Variants in FGF14 observed in about 807,000 individuals in gnomAD.
FGF14 encodes fibroblast growth factor homologous factor 4.
In FGF14, 5 loss-of-function variants were observed where a neutral mutation model predicts 25.5. That is an observed-to-expected ratio of 0.20 (90% CI 0.10 to 0.41). FGF14 has a LOEUF of 0.41. FGF14 is among the 10% of genes least tolerant of loss of function. The pLI is 1.00. For synonymous variants in FGF14, 138 were observed against 118.3 expected, an observed-to-expected ratio of 1.17 and a Z score of -1.08; for missense variants, 222 against 320.1, an observed-to-expected ratio of 0.69 and a Z score of 2.34.
chr13:101,794,307 T>C lies in FGF14; in HGVS notation c.409-67497A>G, dbSNP rs114070545. 6.8e-3 allele frequency among the ~76,000 whole-genome samples: 1,036 copies of C among 152,160 alleles called. 12 individuals are homozygous for C. The highest frequency in any genetic ancestry group is 0.023 in the African/African-American group (951 of 41,534). ...GCAGTCAGCTCTCTTTCTCTACGGT[T>C]ATTAAATCTACCAAAGGAAAACATC... On this transcript the variant is annotated intron_variant, in intron 3 of 4. Coordinates refer to ENST00000376143, the MANE Select transcript of FGF14 (RefSeq NM_004115.4).
chr13:101,756,377 G>A (rs949268354), intron 3 of FGF14, among the ~76,000 whole-genome samples: 1 of 152,116 alleles, frequency 6.6e-6, no homozygotes, highest in Non-Finnish European at 1.5e-5. Context: ...GTCTTGTTTT[G>A]CATGAGTTTA....
At position 101,816,517 on chromosome 13, in the gene FGF14, A is replaced by G. The variant is rs1323316869; in HGVS notation, c.408+52208T>C. ...TCACTGTTTTGATCTGTGATTTAATAAAACAAAATTATATGAAAAGCCCTA... is the reference window on the plus strand; with the variant it reads ...TCACTGTTTTGATCTGTGATTTAATGAAACAAAATTATATGAAAAGCCCTA... On this transcript the variant is annotated intron_variant, in intron 3 of 4. Transcript: ENST00000376143. 2.6e-5 allele frequency among the ~76,000 whole-genome samples: 4 copies of G among 152,308 alleles called. No homozygotes were observed. In the East Asian group the frequency reaches 7.7e-4, roughly 29 times the overall value.
intron 1 of FGF14, among the ~76,000 whole-genome samples, chr13:102,323,793 T>C (rs1168375183): frequency 6.6e-6 from 1 of 152,166 alleles, no homozygotes; most frequent in Non-Finnish European, 1.5e-5. Flanking sequence ...CATAGGAGAT[T>C]TGAATTCAGG....
intron 1 of FGF14, among the ~76,000 whole-genome samples, chr13:102,244,343 G>A (rs2051750858): frequency 2.0e-5 from 3 of 151,838 alleles, no homozygotes; most frequent in Admixed American, 2.0e-4. Context: ...AAATAGGGAT[G>A]CCATGGTTTT....
chr13:102,311,885 A>T (rs1358398635), intron 1 of FGF14, among the ~76,000 whole-genome samples: 1 of 152,212 alleles, frequency 6.6e-6, no homozygotes, highest in African/African-American at 2.4e-5. Context: ...TCTTTCAAAT[A>T]TTGAGGTAAG....
chr13:102,230,180 C>T (rs1249759720), intron 1 of FGF14, among the ~76,000 whole-genome samples: 2 of 152,158 alleles, frequency 1.3e-5, no homozygotes, highest in Non-Finnish European at 2.9e-5. Flanking sequence ...AGCTAGAAGT[C>T]ACTGTCTATG....
At chr13:101,927,017 T>A (rs1694905009) in intron 1 of FGF14, among the ~76,000 whole-genome samples, 1 of 152,182 alleles carries the variant, frequency 6.6e-6, no homozygotes, top group Non-Finnish European at 1.5e-5. Context: ...TGGATATTTT[T>A]AAATAAACAA....
chr13:102,331,878 G>A (rs114126528), intron 1 of FGF14, among the ~76,000 whole-genome samples: 4,264 of 152,218 alleles, frequency 0.028, 211 homozygotes, highest in African/African-American at 0.096. Context: ...CCCCATGGAA[G>A]GGAAAAACTT....
chr13:102,361,534 G>A (rs900800222), intron 1 of FGF14, among the ~76,000 whole-genome samples: 6 of 135,458 alleles, frequency 4.4e-5, no homozygotes, highest in African/African-American at 1.2e-4. Context: ...AGTACTATAG[G>A]AATTTGTAAC....
chr13:102,399,515 G>A (rs1159639668), intron 1 of FGF14, among the ~76,000 whole-genome samples: 4 of 152,142 alleles, frequency 2.6e-5, no homozygotes, highest in Non-Finnish European at 5.9e-5. Context: ...TGCAAAAAGG[G>A]TCTTCATATT....
At chr13:101,880,519 C>T (rs1045595465) in intron 1 of FGF14, among the ~76,000 whole-genome samples, 5 of 152,020 alleles carry the variant, frequency 3.3e-5, no homozygotes, top group South Asian at 2.1e-4. Context: ...GTGAGCTGAG[C>T]GCACCATTGC....
intron 1 of FGF14, among the ~76,000 whole-genome samples, chr13:102,347,775 A>G (rs1286689343): frequency 6.6e-6 from 1 of 152,132 alleles, no homozygotes; most frequent in Admixed American, 6.5e-5. Context: ...CTAGAGAGGA[A>G]ACAGTCTACT....
chr13:102,095,400 G>A (rs948248212), intron 1 of FGF14, among the ~76,000 whole-genome samples: 14 of 152,100 alleles, frequency 9.2e-5, no homozygotes, highest in East Asian at 1.9e-4. Flanking sequence ...CTTCTTTTAC[G>A]ACATAGGCCC....
At chr13:101,823,791 T>C (rs1043809064) in intron 3 of FGF14, among the ~76,000 whole-genome samples, 2 of 150,050 alleles carry the variant, frequency 1.3e-5, no homozygotes, top group Admixed American at 6.7e-5. Flanking sequence ...GTATAGTATC[T>C]ATAAAGATAC....
chr13:102,339,920 T>C (rs1013048969), intron 1 of FGF14, among the ~76,000 whole-genome samples: 5 of 152,160 alleles, frequency 3.3e-5, no homozygotes, highest in Admixed American at 3.3e-4. Context: ...TCACCACAAT[T>C]CATTTTCCAT....
At position 101,876,997 on chromosome 13, in the gene FGF14, GA is replaced by G. The variant is rs562308528; in HGVS notation, c.194-1702del. 6.8e-3 allele frequency among the ~76,000 whole-genome samples: 1,040 copies of G among 151,912 alleles called. 9 individuals are homozygous for G. Among genetic ancestry groups the G allele is most frequent in the South Asian group, 0.014 (68 of 4,814 alleles). ...GAATTTTTTATTATTCTCTTGTCAA[GA>G]AAAAAAATGAGAATATTAGTGATTT... is the stretch of plus-strand genomic sequence containing the variant. On this transcript the variant is annotated intron_variant, in intron 1 of 4. Coordinates refer to ENST00000376143, the MANE Select transcript of FGF14 (RefSeq NM_004115.4).
chr13:102,028,313 T>C (rs2041033843), intron 1 of FGF14, among the ~76,000 whole-genome samples: 4 of 152,036 alleles, frequency 2.6e-5, no homozygotes, highest in Admixed American at 2.6e-4. Flanking sequence ...GGAATTAGTA[T>C]TCGCACTGGA....
intron 1 of FGF14, among the ~76,000 whole-genome samples, chr13:101,993,700 G>A (rs61966476): frequency 0.07 from 10,634 of 151,866 alleles, 818 homozygotes; most frequent in African/African-American, 0.19. Context: ...TTTAAAAGAA[G>A]TACAATTGAT....
chr13:102,069,029 C>T (rs1476449711), intron 1 of FGF14, among the ~76,000 whole-genome samples: 1 of 152,090 alleles, frequency 6.6e-6, no homozygotes, highest in East Asian at 1.9e-4. Flanking sequence ...GTTTGTAGTG[C>T]ACCAATCGAC....
Sources: allele counts gnomAD v4.1 joint callset (sites outside exome capture counted in the v4.1 genomes callset), GRCh38; gene constraint gnomAD v4.1.1; transcripts MANE v1.5; gene names NCBI Gene and HGNC (gene_info 2026-07-23, HGNC 2026-07-21).